Variants in ZNF606 observed in about 807,000 individuals in gnomAD.
ZNF606 encodes the protein zinc finger protein 328.
In ZNF606, 37 loss-of-function variants were observed where a neutral mutation model predicts 74.9. The observed-to-expected ratio is 0.49, with a 90% CI of 0.38 to 0.65. The LOEUF is 0.65. ZNF606 is among the 30% of genes least tolerant of loss of function. The pLI, the probability that ZNF606 is intolerant of heterozygous loss-of-function variation, is 0.00. For synonymous variants in ZNF606, 328 were observed against 312.4 expected, an observed-to-expected ratio of 1.05 and a Z score of -0.53; for missense variants, 852 against 952.9, an observed-to-expected ratio of 0.89 and a Z score of 1.39.
chr19:58,001,110 A>C, intron 2 of ZNF606, 179 bp downstream of exon 2: 9 of 693,984 alleles, frequency 1.3e-5, no homozygotes. Flanking sequence ...TAAAACATAA[A>C]AGTTAGTGTC....
At chr19:57,994,366 A>C (rs1467087597) in intron 4 of ZNF606, among the ~76,000 whole-genome samples, 1 of 152,224 alleles carries the variant, frequency 6.6e-6, no homozygotes, top group African/African-American at 2.4e-5. Flanking sequence ...GAGAACCTAA[A>C]GGAAAAGGAC....
chr19:58,000,731 T>A lies in ZNF606; in HGVS notation c.40A>T (p.Thr14Ser), dbSNP rs765399253. 2 of 1,592,410 alleles carry A rather than the reference T, an allele frequency of 1.3e-6. No individual in the cohort carries two copies. Among genetic ancestry groups the A allele is most frequent in the African/African-American group, 2.7e-5 (2 of 74,432 alleles). The change falls in exon 3 of 7, where the codon ACG becomes TCG. Residue 14 changes from threonine (T) to serine (S), a missense_variant. Transcript: ENST00000551380. ...GCTGTCATCCCCCAAGATTGGTCCGTAAGGGCACCTGCACAGAAGGATCAG... is the reference window on the plus strand; with the variant it reads ...GCTGTCATCCCCCAAGATTGGTCCGAAAGGGCACCTGCACAGAAGGATCAG... ...INPWASWGAL[T>S]DQSWGMTAVD... is the part of the protein sequence containing the mutation.
intron 4 of ZNF606, among the ~76,000 whole-genome samples, chr19:57,989,738 C>T (rs557768258): frequency 6.6e-6 from 1 of 151,894 alleles, no homozygotes; most frequent in South Asian, 2.1e-4. Flanking sequence ...TGAGCCACTG[C>T]ACCCAGCTTC....
At chr19:57,991,834 A>C (rs1290930472) in intron 4 of ZNF606, among the ~76,000 whole-genome samples, 2 of 151,852 alleles carry the variant, frequency 1.3e-5, no homozygotes, top group East Asian at 3.9e-4. Flanking sequence ...ACAGAAGTGC[A>C]CAAAACCTAT....
chr19:57,982,667 G>A (rs777683059), intron 6 of ZNF606, among the ~76,000 whole-genome samples: 3 of 151,812 alleles, frequency 2.0e-5, no homozygotes, highest in Non-Finnish European at 4.4e-5. Flanking sequence ...TTTGAGACAG[G>A]GTCTCACTCA....
At chr19:57,981,872 T>C (rs577491470) in intron 6 of ZNF606, among the ~76,000 whole-genome samples, 3 of 152,352 alleles carry the variant, frequency 2.0e-5, no homozygotes, top group Non-Finnish European at 1.5e-5. Flanking sequence ...CTAATCTGTA[T>C]GTGAACAATG....
chr19:58,000,446 C>A, intron 3 of ZNF606: 1 of 610,848 alleles, frequency 1.6e-6, no homozygotes, highest in East Asian at 2.9e-5. Context: ...AGGATGGTCT[C>A]GATCTCCTGA....
At position 58,002,467 on chromosome 19, in the gene ZNF606, G is replaced by T. The variant is rs769006676; in HGVS notation, c.-123C>A. On this transcript the variant is annotated 5_prime_UTR_variant, in exon 1 of 7. Coordinates refer to ENST00000551380, the MANE Select transcript of ZNF606 (RefSeq NM_001348022.3). ...GGGGTCTGCCCGCCTGGGGCGTTTG[G>T]CTTTTGTCCCGCGCCGAGGTCCGGC... 2.1e-4 allele frequency: 95 copies of T among 454,672 alleles called. No homozygotes were observed. The highest frequency in any genetic ancestry group is 3.7e-4 in the Non-Finnish European group (84 of 225,890). The allele number at this position is 454,672 out of a possible 1,614,324, so 28.2% of individuals were successfully genotyped here.
Position 57,978,126 on chromosome 19 carries a change from A to G in ZNF606, c.*175T>C. On this transcript the variant is annotated 3_prime_UTR_variant, in exon 7 of 7. Transcript: ENST00000551380. The surrounding 1 kb of genome is among the most constrained non-coding windows in gnomAD (Gnocchi z 4.4). ...GAGTAAGGGCTAAATAACTGCTGAAAGCTTTTCCCTATTCTTTTCCTTCAT... is the reference window on the plus strand; with the variant it reads ...GAGTAAGGGCTAAATAACTGCTGAAGGCTTTTCCCTATTCTTTTCCTTCAT... 1.6e-6 allele frequency: 1 copy of G among 611,870 alleles called. No individual in the cohort carries two copies. Among genetic ancestry groups the G allele is most frequent in the Non-Finnish European group, 2.6e-6 (1 of 387,740 alleles). 37.9% of individuals were successfully genotyped at this position (611,870 alleles called of 1,614,324 possible).
In ZNF606 at chr19:57,979,602, T is replaced by G; in HGVS notation, c.1078A>C (p.Met360Leu). Residue 360 changes from methionine to leucine, a missense_variant, in exon 7 of 7, where the codon ATG (methionine) becomes CTG (leucine). Around this residue, in one of 3 missense-constraint regions of ZNF606, gnomAD observed 545 missense variants for 542.5 expected, o/e 1.00. Coordinates refer to ENST00000551380, the MANE Select transcript of ZNF606 (RefSeq NM_001348022.3). ...YENIFYFSSFMEHQKIGTVEK... is the reference protein window; with the variant it reads ...YENIFYFSSFLEHQKIGTVEK... ...ACAGTACCAATTTTTTGATGTTCCATAAAGGATGAGAAATAAAAGATATTC... is the reference window on the plus strand; with the variant it reads ...ACAGTACCAATTTTTTGATGTTCCAGAAAGGATGAGAAATAAAAGATATTC... 6.2e-7 allele frequency: 1 copy of G among 1,613,496 alleles called. No individual in the cohort carries two copies.
In ZNF606 at chr19:57,980,573, C is replaced by T. The variant is rs895651003; in HGVS notation, c.401-294G>A. Among the ~76,000 whole-genome samples, 7 of 152,100 alleles carry T rather than the reference C, an allele frequency of 4.6e-5. No individual in the cohort carries two copies. In the East Asian group the frequency reaches 5.8e-4, roughly 13 times the overall value. ...AGAAAGAGGCCGGACGAGGTGGCTA[C>T]GCCTGTAATCCCAGCACTTTGGGAG... On this transcript the variant is annotated intron_variant, in intron 6 of 6. Transcript: ENST00000551380.
chr19:58,000,807 G>C lies in ZNF606; in HGVS notation c.32-68C>G. 5 of 1,439,124 alleles carry C rather than the reference G, an allele frequency of 3.5e-6. No homozygotes were observed. The East Asian group carries it at 7.0e-5, about 20-fold the overall frequency. The allele number at this position is 1,439,124 out of a possible 1,614,324, so 89.1% of individuals were successfully genotyped here. ...TGATTCAAGGCGACAAAATACAAGAGGAGGCTGACTCGCTAATGGGCACTA... is the reference window on the plus strand; with the variant it reads ...TGATTCAAGGCGACAAAATACAAGACGAGGCTGACTCGCTAATGGGCACTA... On this transcript the variant is annotated intron_variant, in intron 2 of 6. Coordinates refer to ENST00000551380, the MANE Select transcript of ZNF606 (RefSeq NM_001348022.3).
Position 58,001,151 on chromosome 19 carries a change from C to A in ZNF606, c.31+138G>T, listed in dbSNP as rs993192711. 3.0e-6 allele frequency: 3 copies of A among 997,550 alleles called. No individual in the cohort carries two copies. In the African/African-American group the frequency reaches 4.9e-5, roughly 16 times the overall value. 61.8% of individuals were successfully genotyped at this position (997,550 alleles called of 1,614,324 possible). ...TGCCAACAATTTTCCTCCTTTACCA[C>A]CAATCAGTTCTAATTTTGTACCAAG... is the stretch of plus-strand genomic sequence containing the variant. On this transcript the variant is annotated intron_variant, in intron 2 of 6. Coordinates refer to ENST00000551380, the MANE Select transcript of ZNF606 (RefSeq NM_001348022.3).
intron 6 of ZNF606, among the ~76,000 whole-genome samples, chr19:57,982,728 G>T (rs997927489): frequency 6.6e-6 from 1 of 151,970 alleles, no homozygotes; most frequent in African/African-American, 2.4e-5. Flanking sequence ...CAAATTACTG[G>T]GCTCAGGCAA....
chr19:57,977,883 T>G lies in ZNF606; in HGVS notation c.*418A>C, dbSNP rs1175580804. ...TGCACAAAATGTTATTGTAGAGTTT[T>G]CCATCCAGTACTCCAGCTTGATGCA... On this transcript the variant is annotated 3_prime_UTR_variant, in exon 7 of 7. Transcript: ENST00000551380. The G allele has an allele frequency of 6.4e-6, 1 of 155,694 alleles. No homozygotes were observed. The highest frequency in any genetic ancestry group is 1.4e-5 in the Non-Finnish European group (1 of 70,542). The allele number at this position is 155,694 out of a possible 1,614,324, so 9.6% of individuals were successfully genotyped here. A position where few individuals can be genotyped will look rare whatever the true frequency, so the allele number is the denominator to read the frequency against.
At position 57,979,013 on chromosome 19, in the gene ZNF606, C is replaced by T. The variant is rs536386807; in HGVS notation, c.1667G>A (p.Ser556Asn). 4 of 1,613,692 alleles carry T rather than the reference C, an allele frequency of 2.5e-6. No individual in the cohort carries two copies. In the African/African-American group the frequency reaches 5.3e-5, roughly 22 times the overall value. ...EKAFRDYSAL[S>N]KHERTHSGAK... ...TCCAGAATGAGTTCTTTCATGTTTA[C>T]TAAGGGCTGAGTAGTCCCTAAAAGC... is the stretch of plus-strand genomic sequence containing the variant. The change falls in exon 7 of 7, where the codon AGT (serine) becomes AAT (asparagine). Residue 556 changes from serine to asparagine, a missense_variant. By Grantham distance (46) the Ser-to-Asn change is conservative (BLOSUM62 1). Around this residue, in one of 3 missense-constraint regions of ZNF606, gnomAD observed 243 missense variants for 359.2 expected, o/e 0.68. Transcript: ENST00000551380.
chr19:57,979,800 C>T lies in ZNF606; in HGVS notation c.880G>A (p.Ala294Thr), dbSNP rs999466178. ...TGDNLFKCTD[A>T]VKSFNHIIHF... The stretch of plus-strand genomic sequence containing the variant: ...ATTATATGATTGAAAGATTTAACAG[C>T]ATCAGTACATTTGAAAAGATTATCT... Residue 294 changes from alanine to threonine, a missense_variant, in exon 7 of 7, where the codon GCT (alanine) becomes ACT (threonine). Ala to Thr is a moderately conservative substitution (Grantham distance 58). Transcript: ENST00000551380. The T allele has an allele frequency of 6.2e-7, 1 of 1,613,314 alleles. No homozygotes were observed. The highest frequency in any genetic ancestry group is 1.3e-5 in the African/African-American group (1 of 75,042).
chr19:58,003,237 T>A, upstream of ZNF606: 1 of 456,722 alleles, frequency 2.2e-6, no homozygotes, highest in South Asian at 1.5e-5. Flanking sequence ...GAGCTACCCT[T>A]CTCTGTGAAG....
rs2073023657 is a variant in ZNF606, at chr19:57,978,480, T to C, written c.2200A>G (p.Lys734Glu). 6.2e-7 allele frequency: 1 copy of C among 1,613,760 alleles called. No individual in the cohort carries two copies. The highest frequency in any genetic ancestry group is 1.3e-5 in the African/African-American group (1 of 74,918). Residue 734 changes from lysine (K) to glutamate (E), a missense_variant, in exon 7 of 7, where the codon AAG becomes GAG. Lys to Glu is a moderately conservative substitution (Grantham distance 56). Around this residue, in one of 3 missense-constraint regions of ZNF606, gnomAD observed 243 missense variants for 359.2 expected, o/e 0.68. Transcript: ENST00000551380. The surrounding 1 kb of genome is among the most constrained non-coding windows in gnomAD (Gnocchi z 4.4). ...IVHLRNHTGE[K>E]PYKCNHCEKA... Reference sequence around the variant, plus strand: ...TCACAATGATTACATTTGTAGGGCTTTTCTCCAGTATGGTTTCTTAGGTGT... The same window carrying C: ...TCACAATGATTACATTTGTAGGGCTCTTCTCCAGTATGGTTTCTTAGGTGT...
Sources: allele counts gnomAD v4.1 joint callset (sites outside exome capture counted in the v4.1 genomes callset), GRCh38; gene constraint gnomAD v4.1.1; regional missense constraint gnomAD v4.1.1; non-coding constraint Gnocchi (gnomAD v3.1); transcripts MANE v1.5; gene names NCBI Gene and HGNC (gene_info 2026-07-23, HGNC 2026-07-21).